The following PSD2 variants were observed in gnomAD, a reference collection of about 807,000 sequenced individuals.
The protein encoded by PSD2 is PH and SEC7 domain-containing protein 2.
Under a neutral mutation model 69.8 loss-of-function variants are expected in PSD2, and 38 were observed. The ratio of observed to expected loss-of-function variants is 0.54; its 90% CI spans 0.42 to 0.71. The LOEUF (loss-of-function observed/expected upper bound fraction) is 0.71, where lower values mean the gene tolerates loss of function less well. Among genes scored for constraint, PSD2 ranks in the 30% least tolerant of loss-of-function variants. The pLI is 0.00. For missense variants in PSD2, 943 were observed against 1,014.5 expected (o/e 0.93, Z 0.96); for synonymous variants, 412 against 423.0 (o/e 0.97, Z 0.32).
chr5:139,807,950 C>A (rs1759854159), intron 1 of PSD2, among the ~76,000 whole-genome samples: 1 of 152,172 alleles, frequency 6.6e-6, no homozygotes, highest in Non-Finnish European at 1.5e-5. Flanking sequence ...TGCATTGTAC[C>A]AAGTCCCTCA....
intron 5 of PSD2, among the ~76,000 whole-genome samples, chr5:139,820,400 G>A (rs1168400298): frequency 1.3e-5 from 2 of 152,132 alleles, no homozygotes; most frequent in African/African-American, 2.4e-5. Context: ...GGAGGACAGC[G>A]AGCTGTCAGA....
chr5:139,773,376 C>T, the PSD2 span, among the ~76,000 whole-genome samples: 1 of 152,142 alleles, frequency 6.6e-6, no homozygotes, highest in Non-Finnish European at 1.5e-5. Context: ...AATCCTCCTG[C>T]CTCAGCCTCT....
the PSD2 span, among the ~76,000 whole-genome samples, chr5:139,743,028 C>T: frequency 1.3e-5 from 2 of 152,200 alleles, no homozygotes; most frequent in South Asian, 4.1e-4. Flanking sequence ...GGGCTCAGAA[C>T]ACTGTCAGAT....
At chr5:139,830,067 G>T (rs1760534501) in intron 7 of PSD2, among the ~76,000 whole-genome samples, 1 of 148,710 alleles carries the variant, frequency 6.7e-6, no homozygotes, top group Admixed American at 6.7e-5. Flanking sequence ...TGTGTGATCT[G>T]TAATGTGAAG....
At chr5:139,830,708 C>T (rs1165081514) in intron 7 of PSD2, among the ~76,000 whole-genome samples, 2 of 123,816 alleles carry the variant, frequency 1.6e-5, no homozygotes, top group African/African-American at 6.1e-5. Flanking sequence ...TTTTTAGAGA[C>T]AAGGTCTCCC....
In PSD2 at chr5:139,843,641, G is replaced by A. The variant is rs1426813343; in HGVS notation, c.*1167G>A. The A allele has an allele frequency of 6.6e-6, 1 of 152,260 alleles. No individual in the cohort carries two copies. The highest frequency in any genetic ancestry group is 6.5e-5 in the Admixed American group (1 of 15,284). 9.4% of individuals were successfully genotyped at this position (152,260 alleles called of 1,614,324 possible). On this transcript the variant is annotated 3_prime_UTR_variant, in exon 15 of 15. Coordinates refer to ENST00000274710, the MANE Select transcript of PSD2 (RefSeq NM_032289.4). ...TCTTGGTTGTGGGAAAAGGTGGAATGACAAGTTATTGATTGTTTTTCTGTC... is the reference window on the plus strand; with the variant it reads ...TCTTGGTTGTGGGAAAAGGTGGAATAACAAGTTATTGATTGTTTTTCTGTC...
the PSD2 span, among the ~76,000 whole-genome samples, chr5:139,780,880 G>A: frequency 3.3e-5 from 5 of 152,338 alleles, 1 homozygote; most frequent in Admixed American, 1.3e-4. Flanking sequence ...AGAATCCTGT[G>A]AGGGAGCTAC....
At chr5:139,758,245 C>T in the PSD2 span, among the ~76,000 whole-genome samples, 1 of 151,946 alleles carries the variant, frequency 6.6e-6, no homozygotes, top group Admixed American at 6.6e-5. Flanking sequence ...TTCTAGTGGG[C>T]CTGGGAGCAC....
At chr5:139,781,497 G>A in the PSD2 span, among the ~76,000 whole-genome samples, 29 of 151,882 alleles carry the variant, frequency 1.9e-4, 1 homozygote, top group Admixed American at 1.4e-3. Context: ...CACCACGCCC[G>A]GCTAATTTTT....
chr5:139,778,323 C>G, the PSD2 span, among the ~76,000 whole-genome samples: 9 of 152,182 alleles, frequency 5.9e-5, no homozygotes, highest in African/African-American at 1.9e-4. Flanking sequence ...AGCCTTGGGA[C>G]AGGCAGTGGT....
At chr5:139,827,609 A>C (rs938604399) in intron 7 of PSD2, among the ~76,000 whole-genome samples, 1 of 152,192 alleles carries the variant, frequency 6.6e-6, no homozygotes, top group Non-Finnish European at 1.5e-5. Flanking sequence ...AACTTCCCTG[A>C]GACTGGGTAA....
At position 139,825,112 on chromosome 5, in the gene PSD2, A is replaced by G. The variant is rs977446428; in HGVS notation, c.1269+2328A>G. Among the ~76,000 whole-genome samples the G allele has an allele frequency of 5.3e-5, 8 of 152,224 alleles. No homozygotes were observed. The South Asian group carries it at 1.7e-3, about 32-fold the overall frequency. ...ACAAGACAAGAAAGGGAGCCCCACC[A>G]GTTACAAGAGGTGGACAACACAGAA... On this transcript the variant is annotated intron_variant, in intron 7 of 14. Coordinates refer to ENST00000274710, the MANE Select transcript of PSD2 (RefSeq NM_032289.4).
chr5:139,770,152 G>C, the PSD2 span, among the ~76,000 whole-genome samples: 1 of 152,318 alleles, frequency 6.6e-6, no homozygotes, highest in East Asian at 1.9e-4. Flanking sequence ...TGTAAGGTAA[G>C]CTTGTTATGT....
At chr5:139,841,398 TGTTTATCC>T (rs1454284201) in intron 14 of PSD2, among the ~76,000 whole-genome samples, 2 of 152,232 alleles carry the variant, frequency 1.3e-5, no homozygotes, top group Admixed American at 1.3e-4. Flanking sequence ...CACCACATTT[TGTTTATCC>T]GTTTATCCAT....
chr5:139,817,734 G>A (rs1760156681), intron 5 of PSD2, among the ~76,000 whole-genome samples, 173 bp downstream of exon 5: 1 of 152,194 alleles, frequency 6.6e-6, no homozygotes, highest in African/African-American at 2.4e-5. Context: ...TTAGGCGAGT[G>A]CCCACTTTGT....
At chr5:139,820,092 A>G (rs1760219893) in intron 5 of PSD2, among the ~76,000 whole-genome samples, 1 of 152,192 alleles carries the variant, frequency 6.6e-6, no homozygotes, top group East Asian at 1.9e-4. Context: ...CCACAGAGGG[A>G]AGAGTAAAAG....
the PSD2 span, among the ~76,000 whole-genome samples, chr5:139,789,527 G>A: frequency 2.6e-5 from 4 of 152,174 alleles, no homozygotes; most frequent in African/African-American, 7.2e-5. Context: ...GTAGTGAGCC[G>A]AGATCATGCC....
In PSD2 at chr5:139,839,842, G is replaced by C. The variant is rs1760828137; in HGVS notation, c.1969-185G>C. Among the ~76,000 whole-genome samples the C allele has an allele frequency of 6.6e-6, 1 of 152,212 alleles. No homozygotes were observed. Among genetic ancestry groups the C allele is most frequent in the Non-Finnish European group, 1.5e-5 (1 of 68,032 alleles). On this transcript the variant is annotated intron_variant, in intron 13 of 14. Coordinates refer to ENST00000274710, the MANE Select transcript of PSD2 (RefSeq NM_032289.4). The surrounding 1 kb of genome is among the most constrained non-coding windows in gnomAD (Gnocchi z 5.1). ...GCTGATGCTGATGGGACCTGGGGGA[G>C]GAGGAAGGGAGGTGGGAGGAAGAGC...
At chr5:139,771,219 T>A in the PSD2 span, among the ~76,000 whole-genome samples, 1 of 152,186 alleles carries the variant, frequency 6.6e-6, no homozygotes, top group African/African-American at 2.4e-5. Context: ...CTGGCCCGGG[T>A]GGCGGAGTCT....
Sources: gnomAD v4.1 joint callset for allele counts (sites outside exome capture counted in the v4.1 genomes callset) on GRCh38, gnomAD v4.1.1 for gene constraint, Gnocchi (gnomAD v3.1) non-coding constraint, MANE v1.5 for transcripts, NCBI Gene and HGNC (gene_info 2026-07-23, HGNC 2026-07-21) for gene names.